OSBPL11: variants seen among roughly 807,000 people sequenced by gnomAD.
The protein encoded by OSBPL11 is oxysterol-binding protein-related protein 11.
OSBPL11 carries 33 observed loss-of-function variants against 84.4 expected under a neutral mutation model. The observed-to-expected ratio is 0.39, with a 90% CI of 0.30 to 0.52. The LOEUF is 0.52. OSBPL11 is among the 20% of genes least tolerant of loss of function. The pLI is 0.72. For synonymous variants in OSBPL11, 276 were observed against 310.2 expected, an observed-to-expected ratio of 0.89 and a Z score of 1.16; for missense variants, 736 against 901.1, an observed-to-expected ratio of 0.82 and a Z score of 2.35.
intron 10 of OSBPL11, 78 bp downstream of exon 10, chr3:125,547,328 G>T: frequency 8.2e-7 from 1 of 1,224,684 alleles, no homozygotes; most frequent in Non-Finnish European, 1.2e-6. Flanking sequence ...ATAGAACAGA[G>T]CAGAAAAAGA....
intron 7 of OSBPL11, among the ~76,000 whole-genome samples, chr3:125,563,375 TAAG>T (rs1392307658): frequency 6.6e-6 from 1 of 152,058 alleles, no homozygotes; most frequent in Non-Finnish European, 1.5e-5. Context: ...TTAAGAAACA[TAAG>T]AGACAAACAT....
At chr3:125,535,338 T>C (rs1403443185) in intron 11 of OSBPL11, among the ~76,000 whole-genome samples, 2 of 151,814 alleles carry the variant, frequency 1.3e-5, no homozygotes, top group Admixed American at 1.3e-4. Flanking sequence ...AATTTGTAAT[T>C]CAAAACCTTC....
rs1457586488 is a variant in OSBPL11, at chr3:125,530,288, G to A, written c.*227C>T. The A allele has an allele frequency of 6.0e-6, 3 of 503,652 alleles. No homozygotes were observed. Among genetic ancestry groups the A allele is most frequent in the Non-Finnish European group, 1.1e-5 (3 of 278,658 alleles). 31.2% of individuals were successfully genotyped at this position (503,652 alleles called of 1,614,324 possible). ...TACTGATTCAGGTAACAAGTTTTAA[G>A]ATGGTATTGCTCACATCACATGAAC... On this transcript the variant is annotated 3_prime_UTR_variant, in exon 13 of 13. Coordinates refer to ENST00000296220, the MANE Select transcript of OSBPL11 (RefSeq NM_022776.5).
At position 125,583,672 on chromosome 3, in the gene OSBPL11, C is replaced by T. The variant is rs1016787421; in HGVS notation, c.165-694G>A. On this transcript the variant is annotated intron_variant, in intron 1 of 12. Coordinates refer to ENST00000296220, the MANE Select transcript of OSBPL11 (RefSeq NM_022776.5). ...TTGGGAGATCAAGATAGGGGGATCA[C>T]TTGAGCCCAGGAGTTTGAAACCAGA... is the stretch of plus-strand genomic sequence containing the variant. Among the ~76,000 whole-genome samples the T allele has an allele frequency of 4.7e-5, 7 of 150,520 alleles. No homozygotes were observed. The South Asian group carries it at 6.3e-4, about 14-fold the overall frequency.
At chr3:125,587,082 GAA>G (rs899901056) in intron 1 of OSBPL11, among the ~76,000 whole-genome samples, 1 of 152,154 alleles carries the variant, frequency 6.6e-6, no homozygotes, top group African/African-American at 2.4e-5. Flanking sequence ...CCTGCTACTG[GAA>G]AAGACACACA....
At chr3:125,586,332 C>A (rs1313143714) in intron 1 of OSBPL11, among the ~76,000 whole-genome samples, 1 of 152,106 alleles carries the variant, frequency 6.6e-6, no homozygotes, top group Non-Finnish European at 1.5e-5. Flanking sequence ...TATTTCTAAT[C>A]TTTTAAACTT....
chr3:125,577,512 AGT>A (rs1208105728), intron 4 of OSBPL11, among the ~76,000 whole-genome samples: 2 of 152,152 alleles, frequency 1.3e-5, no homozygotes, highest in African/African-American at 4.8e-5. Flanking sequence ...GACAATAACA[AGT>A]GTCGGCAAGG....
chr3:125,562,648 C>T (rs1450684314), intron 7 of OSBPL11, among the ~76,000 whole-genome samples: 4 of 152,096 alleles, frequency 2.6e-5, no homozygotes, highest in East Asian at 1.9e-4. Context: ...AGGAGAAGGC[C>T]GGGTGCGGTA....
At chr3:125,582,227 C>G (rs1001733925) in intron 2 of OSBPL11, among the ~76,000 whole-genome samples, 2 of 151,526 alleles carry the variant, frequency 1.3e-5, no homozygotes, top group Non-Finnish European at 2.9e-5. Context: ...TCCAGCTACT[C>G]AGGAGGCTGA....
chr3:125,537,909 A>G (rs903377084), intron 11 of OSBPL11, among the ~76,000 whole-genome samples: 11 of 152,212 alleles, frequency 7.2e-5, no homozygotes, highest in African/African-American at 2.4e-4. Flanking sequence ...TAACCTCTAC[A>G]AAGATTGCAC....
At chr3:125,555,416 C>T (rs1559839970) in intron 8 of OSBPL11, among the ~76,000 whole-genome samples, 1 of 152,056 alleles carries the variant, frequency 6.6e-6, no homozygotes, top group Non-Finnish European at 1.5e-5. Flanking sequence ...TTATTTCTGT[C>T]CTTCTAGGAA....
intron 1 of OSBPL11, among the ~76,000 whole-genome samples, chr3:125,594,322 A>C (rs1373537674): frequency 2.0e-5 from 3 of 152,232 alleles, no homozygotes; most frequent in African/African-American, 7.2e-5. Context: ...GCTGGCTTGT[A>C]AATAAATTGC....
rs1429205048 is a variant in OSBPL11, at chr3:125,547,530, G to A, written c.1717C>T (p.Arg573Trp). Residue 573 changes from arginine (R) to tryptophan (W), a missense_variant, in exon 10 of 13, where the codon CGG (arginine) becomes TGG (tryptophan). By Grantham distance (101) the Arg-to-Trp change is moderately radical. Transcript: ENST00000296220. ...ACCCAAGGAACAGTCAAAATTGACC[G>A]AGCATATGCACAGGGTAGAGAAAAT... ...YTFSLPCAYA[R>W]SILTVPWVEL... 7 of 1,613,620 alleles carry A rather than the reference G, an allele frequency of 4.3e-6. No homozygotes were observed. Among genetic ancestry groups the A allele is most frequent in the South Asian group, 1.1e-5 (1 of 91,066 alleles).
chr3:125,539,599 G>A (rs1475330404), intron 10 of OSBPL11, among the ~76,000 whole-genome samples: 3 of 151,708 alleles, frequency 2.0e-5, no homozygotes, highest in Non-Finnish European at 2.9e-5. Flanking sequence ...ACAGGTATGC[G>A]TCATCATGCC....
At chr3:125,544,070 ATTTT>A (rs35835902) in intron 10 of OSBPL11, among the ~76,000 whole-genome samples, 1 of 136,808 alleles carries the variant, frequency 7.3e-6, no homozygotes, top group Non-Finnish European at 1.6e-5. Context: ...ATGAACCAAG[ATTTT>A]TTTTTTTTTT....
chr3:125,531,928 T>C lies in OSBPL11; in HGVS notation c.2111A>G (p.Gln704Arg). The change falls in exon 12 of 13, where the codon CAG (glutamine) becomes CGG (arginine). Residue 704 changes from glutamine to arginine, a missense_variant. By Grantham distance (43) the Gln-to-Arg change is conservative. This residue lies in a region of OSBPL11 where 579 missense variants were observed against 717.6 expected (regional missense o/e 0.81). Transcript: ENST00000296220. Reference sequence around the variant, plus strand: ...AGTACGATGCCTTTCTTCAGTCCTCTGACGTTCTTCCAGGGTATGCTTATG... The same window carrying C: ...AGTACGATGCCTTTCTTCAGTCCTCCGACGTTCTTCCAGGGTATGCTTATG... ...TEHKHTLEER[Q>R]RTEERHRTET... 1 of 1,614,162 alleles carries C rather than the reference T, an allele frequency of 6.2e-7. No homozygotes were observed. Among genetic ancestry groups the C allele is most frequent in the Non-Finnish European group, 8.5e-7 (1 of 1,180,022 alleles).
intron 1 of OSBPL11, among the ~76,000 whole-genome samples, chr3:125,584,041 G>A (rs759520648): frequency 2.6e-5 from 4 of 152,068 alleles, no homozygotes; most frequent in Admixed American, 6.6e-5. Flanking sequence ...CTCTGTTTTA[G>A]GTACTTAGTA....
chr3:125,564,960 TG>T (rs1936133375), intron 6 of OSBPL11, among the ~76,000 whole-genome samples: 1 of 152,182 alleles, frequency 6.6e-6, no homozygotes, highest in Non-Finnish European at 1.5e-5. Context: ...CGGCCACAAA[TG>T]AAATTTAGTA....
intron 4 of OSBPL11, among the ~76,000 whole-genome samples, chr3:125,578,222 T>C (rs1559846409): frequency 6.6e-6 from 1 of 152,168 alleles, no homozygotes; most frequent in Non-Finnish European, 1.5e-5. Context: ...TACTGATACA[T>C]GCAACAACAC....
Sources: allele counts gnomAD v4.1 joint callset (sites outside exome capture counted in the v4.1 genomes callset), GRCh38; gene constraint gnomAD v4.1.1; regional missense constraint gnomAD v4.1.1; transcripts MANE v1.5; gene names NCBI Gene and HGNC (gene_info 2026-07-23, HGNC 2026-07-21).